Variants in WWOX observed in about 807,000 individuals in gnomAD.
The protein encoded by WWOX is WW domain containing oxidoreductase.
WWOX carries 69 observed loss-of-function variants against 46.2 expected under a neutral mutation model. That is an observed-to-expected ratio of 1.49 (90% CI 1.23 to 1.82). WWOX has a LOEUF of 1.82. WWOX is among the 40% of genes most tolerant of loss of function. The probability of loss-of-function intolerance (pLI) is 0.00; values close to 1 mark genes in which losing one functional copy is unlikely to be tolerated. For synonymous variants in WWOX, 359 were observed against 202.6 expected, an observed-to-expected ratio of 1.77 and a Z score of -6.56; for missense variants, 919 against 542.6, an observed-to-expected ratio of 1.69 and a Z score of -6.89.
chr16:78,381,652 G>A (rs1039407424), intron 5 of WWOX, among the ~76,000 whole-genome samples: 1 of 152,166 alleles, frequency 6.6e-6, no homozygotes, highest in Non-Finnish European at 1.5e-5. Context: ...GAAGAATGAA[G>A]ATTTGGGGAA....
chr16:78,367,302 T>C (rs2081559704), intron 5 of WWOX, among the ~76,000 whole-genome samples: 1 of 152,176 alleles, frequency 6.6e-6, no homozygotes, highest in Admixed American at 6.5e-5. Flanking sequence ...TTTAATGGTC[T>C]AAATCAAATT....
intron 8 of WWOX, among the ~76,000 whole-genome samples, chr16:78,452,142 C>T (rs1051409966): frequency 6.6e-6 from 1 of 152,134 alleles, no homozygotes; most frequent in South Asian, 2.1e-4. Context: ...AGGCATATCC[C>T]ACAGAATCTC....
intron 8 of WWOX, chr16:78,981,608 T>C (rs2046684246): frequency 6.6e-6 from 1 of 152,106 alleles, no homozygotes; most frequent in Non-Finnish European, 1.5e-5. Flanking sequence ...CAGCTAATTT[T>C]TGTATTTTTG....
chr16:78,243,397 G>A (rs2037720098), intron 5 of WWOX, among the ~76,000 whole-genome samples: 1 of 152,046 alleles, frequency 6.6e-6, no homozygotes, highest in Non-Finnish European at 1.5e-5. Context: ...GGGTACTCGT[G>A]CAGGGCTGTT....
chr16:78,974,402 A>C (rs928275699), intron 8 of WWOX, among the ~76,000 whole-genome samples: 1 of 152,192 alleles, frequency 6.6e-6, no homozygotes, highest in Admixed American at 6.5e-5. Flanking sequence ...CTGCCTTGCT[A>C]TACACTAGCC....
chr16:78,436,761 C>G (rs1451464693), intron 8 of WWOX, among the ~76,000 whole-genome samples: 1 of 152,122 alleles, frequency 6.6e-6, no homozygotes, highest in Non-Finnish European at 1.5e-5. Flanking sequence ...TCGGGTTGGT[C>G]ATTTTCCTAG....
intron 8 of WWOX, among the ~76,000 whole-genome samples, chr16:79,095,891 G>C (rs1266302812): frequency 1.5e-5 from 2 of 137,684 alleles, no homozygotes; most frequent in Admixed American, 7.6e-5. Flanking sequence ...TTAAGACAGA[G>C]TCTTGCTCTG....
intron 8 of WWOX, among the ~76,000 whole-genome samples, chr16:79,006,437 G>C (rs1230865144): frequency 1.3e-5 from 2 of 152,140 alleles, no homozygotes; most frequent in African/African-American, 4.8e-5. Context: ...TGCCAGGTTA[G>C]AGTTTCGGTT....
intron 8 of WWOX, chr16:78,996,319 AC>A (rs2046986624): frequency 2.0e-6 from 2 of 983,482 alleles, no homozygotes; most frequent in East Asian, 2.3e-4. Flanking sequence ...ATGTTTTTCT[AC>A]CGTGACAGAA....
At chr16:78,464,669 C>G (rs1477304176) in intron 8 of WWOX, among the ~76,000 whole-genome samples, 1 of 152,100 alleles carries the variant, frequency 6.6e-6, no homozygotes, top group Non-Finnish European at 1.5e-5. Flanking sequence ...GAGCTGCTGC[C>G]TCATTTCTTA....
chr16:78,851,340 G>A (rs1256531353), intron 8 of WWOX, among the ~76,000 whole-genome samples: 3 of 152,222 alleles, frequency 2.0e-5, no homozygotes, highest in African/African-American at 7.2e-5. Flanking sequence ...AGTAGGAAGA[G>A]AGGATGAGAA....
intron 8 of WWOX, among the ~76,000 whole-genome samples, chr16:78,970,739 C>T (rs1437044737): frequency 6.6e-6 from 1 of 151,840 alleles, no homozygotes; most frequent in Non-Finnish European, 1.5e-5. Flanking sequence ...ACAGTGTGTA[C>T]CTCCCCTCCT....
intron 8 of WWOX, among the ~76,000 whole-genome samples, chr16:78,976,143 G>A (rs770222467): frequency 4.3e-4 from 65 of 152,168 alleles, no homozygotes; most frequent in Admixed American, 3.9e-4. Context: ...ATCCTGCACC[G>A]TTCCTGGCAC....
chr16:78,833,907 A>C (rs2051902314), intron 8 of WWOX, among the ~76,000 whole-genome samples: 2 of 152,218 alleles, frequency 1.3e-5, no homozygotes, highest in Non-Finnish European at 2.9e-5. Flanking sequence ...CTCCCAGTGG[A>C]ATATAAGTTC....
At chr16:78,523,456 G>C (rs1037149133) in intron 8 of WWOX, among the ~76,000 whole-genome samples, 3 of 152,160 alleles carry the variant, frequency 2.0e-5, no homozygotes, top group Non-Finnish European at 4.4e-5. Context: ...TAAATGTTTG[G>C]GGAGCTGAAG....
intron 8 of WWOX, among the ~76,000 whole-genome samples, chr16:78,601,101 A>C (rs1237927078): frequency 6.6e-6 from 1 of 152,196 alleles, no homozygotes; most frequent in Admixed American, 6.5e-5. Context: ...TTCAGGACTC[A>C]GGGTGTATAA....
At chr16:78,416,981 G>T (rs2082811583) in intron 6 of WWOX, among the ~76,000 whole-genome samples, 2 of 151,882 alleles carry the variant, frequency 1.3e-5, no homozygotes, top group Non-Finnish European at 2.9e-5. Flanking sequence ...CCATTTCAGG[G>T]AGCTTATGTA....
intron 5 of WWOX, among the ~76,000 whole-genome samples, chr16:78,289,191 CT>C (rs1188266538): frequency 1.3e-5 from 2 of 152,148 alleles, no homozygotes; most frequent in Non-Finnish European, 2.9e-5. Context: ...TCTTCCCGAG[CT>C]TCAGGCCATG....
In WWOX at chr16:79,028,838, A is replaced by G. The variant is rs548775018; in HGVS notation, c.1057-182770A>G. 2.7e-3 allele frequency among the ~76,000 whole-genome samples: 416 copies of G among 151,788 alleles called. 6 individuals are homozygous for G. The highest frequency in any genetic ancestry group is 2.6e-3 in the Admixed American group (40 of 15,272). On this transcript the variant is annotated intron_variant, in intron 8 of 8. Coordinates refer to ENST00000566780, the MANE Select transcript of WWOX (RefSeq NM_016373.4). Reference sequence around the variant, plus strand: ...GGTTTTCCAATCTTCAAACCAACCTATATCACAAAAGCATTCTGAAAACTG... The same window carrying G: ...GGTTTTCCAATCTTCAAACCAACCTGTATCACAAAAGCATTCTGAAAACTG...
Sources: allele counts gnomAD v4.1 joint callset (sites outside exome capture counted in the v4.1 genomes callset), GRCh38; gene constraint gnomAD v4.1.1; transcripts MANE v1.5; gene names NCBI Gene and HGNC (gene_info 2026-07-23, HGNC 2026-07-21).